Variants in LMO1 observed in about 807,000 individuals in gnomAD.
LMO1 encodes LIM domain only 1.
LMO1 carries 10 observed loss-of-function variants against 18.0 expected under a neutral mutation model. That is an observed-to-expected ratio of 0.55 (90% CI 0.34 to 0.94). The LOEUF (loss-of-function observed/expected upper bound fraction) is 0.94. Among genes scored for constraint, LMO1 ranks in the 40% least tolerant of loss-of-function variants. The pLI is 0.02. For missense variants in LMO1, 183 were observed against 205.7 expected, an observed-to-expected ratio of 0.89 and a Z score of 0.68; for synonymous variants, 77 against 77.9, an observed-to-expected ratio of 0.99 and a Z score of 0.06.
intron 1 of LMO1, among the ~76,000 whole-genome samples, chr11:8,242,877 C>G (rs1846819883): frequency 6.6e-6 from 1 of 152,206 alleles, no homozygotes; most frequent in Admixed American, 6.5e-5. Context: ...CCATGAGCAC[C>G]AGGGGATGGG....
intron 1 of LMO1, among the ~76,000 whole-genome samples, chr11:8,255,521 GCTTCCACAC>G (rs1847076377): frequency 2.6e-5 from 4 of 152,134 alleles, no homozygotes; most frequent in African/African-American, 9.7e-5. Context: ...AGGCTTTTGT[GCTTCCACAC>G]CTTCCGGACC....
chr11:8,259,700 C>G (rs1424540855), intron 1 of LMO1, among the ~76,000 whole-genome samples: 1 of 152,184 alleles, frequency 6.6e-6, no homozygotes, highest in Admixed American at 6.5e-5. Flanking sequence ...AGGAGAGGCC[C>G]CTGGGATTCT....
chr11:8,242,723 G>C (rs748041267), intron 1 of LMO1, among the ~76,000 whole-genome samples: 1 of 152,222 alleles, frequency 6.6e-6, no homozygotes, highest in Non-Finnish European at 1.5e-5. Context: ...CCCATCTAAT[G>C]AAACAGGGCT....
At chr11:8,259,478 G>A (rs994761224) in intron 1 of LMO1, among the ~76,000 whole-genome samples, 9 of 152,222 alleles carry the variant, frequency 5.9e-5, no homozygotes, top group African/African-American at 2.2e-4. Flanking sequence ...GATGCAGATG[G>A]TAACCCTCCC....
intron 1 of LMO1, among the ~76,000 whole-genome samples, chr11:8,260,398 A>T (rs1325202422): frequency 6.6e-6 from 1 of 152,160 alleles, no homozygotes; most frequent in Admixed American, 6.5e-5. Flanking sequence ...GAAAGCCCGG[A>T]CCCTGAGTTC....
chr11:8,225,404 C>CAAAA (rs34847129), intron 3 of LMO1, among the ~76,000 whole-genome samples: 13 of 34,700 alleles, frequency 3.7e-4, no homozygotes, highest in African/African-American at 7.0e-4. Flanking sequence ...GACTCCATCT[C>CAAAA]AAAAAAAAAA....
At chr11:8,253,844 C>T (rs570434050) in intron 1 of LMO1, among the ~76,000 whole-genome samples, 50 of 152,062 alleles carry the variant, frequency 3.3e-4, no homozygotes, top group Non-Finnish European at 4.9e-4. Flanking sequence ...CAGCCACTCC[C>T]GCCACACAAT....
intron 1 of LMO1, among the ~76,000 whole-genome samples, chr11:8,256,648 A>G (rs1303202517): frequency 6.6e-6 from 1 of 152,242 alleles, no homozygotes; most frequent in Non-Finnish European, 1.5e-5. Context: ...TCCCACCAGT[A>G]GCGAACAAGC....
intron 1 of LMO1, among the ~76,000 whole-genome samples, chr11:8,236,934 C>T (rs1952770562): frequency 1.3e-5 from 2 of 152,100 alleles, no homozygotes; most frequent in Middle Eastern, 3.2e-3. Flanking sequence ...CACAAGCAGC[C>T]GCACGCACGT....
chr11:8,253,964 C>A (rs939348833), intron 1 of LMO1, among the ~76,000 whole-genome samples: 1 of 152,184 alleles, frequency 6.6e-6, no homozygotes. Flanking sequence ...ATGCGTCAGA[C>A]TGTAATATTT....
chr11:8,263,948 G>T, upstream of LMO1: 1 of 900,530 alleles, frequency 1.1e-6, no homozygotes, highest in Non-Finnish European at 1.3e-6. Context: ...GGGTTAATGG[G>T]GAGTGGAGAC....
At chr11:8,229,849 G>A (rs552767723) in intron 2 of LMO1, among the ~76,000 whole-genome samples, 2 of 152,338 alleles carry the variant, frequency 1.3e-5, no homozygotes, top group East Asian at 3.9e-4. Context: ...ATCTAGAAAG[G>A]AAAGTTGGAC....
chr11:8,241,796 A>AC (rs1404199902), intron 1 of LMO1, among the ~76,000 whole-genome samples: 6 of 152,074 alleles, frequency 3.9e-5, no homozygotes, highest in African/African-American at 1.4e-4. Flanking sequence ...CAAAAAAAAA[A>AC]AAAACAAAAA....
At chr11:8,234,809 G>C (rs537511815) in intron 1 of LMO1, among the ~76,000 whole-genome samples, 5 of 152,120 alleles carry the variant, frequency 3.3e-5, no homozygotes, top group African/African-American at 1.2e-4. Flanking sequence ...CTTGTGTCCC[G>C]GGGCCTTCAC....
upstream of LMO1, chr11:8,268,465 GC>G (rs1462705517): frequency 3.9e-5 from 57 of 1,447,418 alleles, no homozygotes; most frequent in Middle Eastern, 3.5e-4. Flanking sequence ...GACGGCTCCA[GC>G]CGGACTAGCG....
At chr11:8,268,242 AC>A (rs1847280779), upstream of LMO1, among the ~76,000 whole-genome samples, 1 of 151,926 alleles carries the variant, frequency 6.6e-6, no homozygotes, top group African/African-American at 2.4e-5. Context: ...GGCACCGCCG[AC>A]CCCGGCACCG....
intron 2 of LMO1, among the ~76,000 whole-genome samples, chr11:8,227,329 A>G (rs1262284987): frequency 6.6e-6 from 1 of 152,200 alleles, no homozygotes; most frequent in African/African-American, 2.4e-5. Flanking sequence ...GTAGGGGGTC[A>G]GGAGTTGGCT....
chr11:8,236,662 T>C (rs1208549945), intron 1 of LMO1, among the ~76,000 whole-genome samples: 1 of 152,042 alleles, frequency 6.6e-6, no homozygotes, highest in Non-Finnish European at 1.5e-5. Flanking sequence ...GCAGGACACA[T>C]GCACAGCAGC....
intron 1 of LMO1, among the ~76,000 whole-genome samples, chr11:8,248,049 G>A (rs1565184093): frequency 1.3e-5 from 2 of 152,102 alleles, no homozygotes; most frequent in African/African-American, 4.8e-5. Flanking sequence ...CGTGACCAGG[G>A]CTCAGAAAAG....
Sources: allele counts gnomAD v4.1 joint callset (sites outside exome capture counted in the v4.1 genomes callset), GRCh38; gene constraint gnomAD v4.1.1; transcripts MANE v1.5; gene names NCBI Gene and HGNC (gene_info 2026-07-23, HGNC 2026-07-21).